The following SLC35F3 variants were observed in gnomAD, a reference collection of about 807,000 sequenced individuals.
SLC35F3 encodes the protein putative thiamine transporter SLC35F3.
SLC35F3 carries 25 observed loss-of-function variants against 49.9 expected under a neutral mutation model. That is an observed-to-expected ratio of 0.50 (90% CI 0.37 to 0.70). SLC35F3 has a LOEUF of 0.70. Ranked by LOEUF, SLC35F3 falls within the 30% of genes least tolerant of loss-of-function variation. The probability of loss-of-function intolerance (pLI) is 0.00; values close to 1 mark genes in which losing one functional copy is unlikely to be tolerated. For missense variants in SLC35F3, 525 were observed against 639.8 expected (o/e 0.82, Z 1.94); for synonymous variants, 275 against 265.4 (o/e 1.04, Z -0.35).
chr1:234,065,258 T>C (rs1004102576), intron 2 of SLC35F3, among the ~76,000 whole-genome samples: 2 of 152,146 alleles, frequency 1.3e-5, no homozygotes, highest in Admixed American at 6.5e-5. Flanking sequence ...GGGATTCTCC[T>C]GCCTCAGCCT....
At chr1:234,000,172 C>T (rs899243439) in intron 2 of SLC35F3, among the ~76,000 whole-genome samples, 11 of 152,084 alleles carry the variant, frequency 7.2e-5, no homozygotes, top group Admixed American at 5.9e-4. Context: ...AATTAATATA[C>T]GCAAAGAGTA....
chr1:234,177,167 G>T (rs1159850464), intron 2 of SLC35F3, among the ~76,000 whole-genome samples: 1 of 152,164 alleles, frequency 6.6e-6, no homozygotes, highest in Admixed American at 6.5e-5. Context: ...CCCTGCACAA[G>T]TGCTCTCTCT....
At chr1:233,971,270 C>G (rs1219195440) in intron 2 of SLC35F3, among the ~76,000 whole-genome samples, 1 of 152,328 alleles carries the variant, frequency 6.6e-6, no homozygotes, top group East Asian at 1.9e-4. Context: ...CAGTTCCCTC[C>G]GACTAAAACT....
intron 2 of SLC35F3, among the ~76,000 whole-genome samples, chr1:233,923,079 C>T (rs549553323): frequency 7.2e-4 from 109 of 152,172 alleles, no homozygotes; most frequent in Non-Finnish European, 1.3e-3. Flanking sequence ...AGTCAGGTAG[C>T]GTGATGCCTC....
intron 2 of SLC35F3, among the ~76,000 whole-genome samples, chr1:233,961,570 C>T (rs900428466): frequency 1.3e-5 from 2 of 151,710 alleles, no homozygotes; most frequent in African/African-American, 4.8e-5. Flanking sequence ...GATTTTCCCA[C>T]CTCAGCCACC....
chr1:234,075,751 A>G (rs548347349), intron 2 of SLC35F3, among the ~76,000 whole-genome samples: 2 of 150,858 alleles, frequency 1.3e-5, no homozygotes, highest in African/African-American at 5.0e-5. Context: ...TGAGTCTTGC[A>G]AGAAGCTGCC....
chr1:234,070,028 A>G (rs1416571613), intron 2 of SLC35F3, among the ~76,000 whole-genome samples: 1 of 152,128 alleles, frequency 6.6e-6, no homozygotes, highest in African/African-American at 2.4e-5. Context: ...TCTTCTTCCA[A>G]CCACCTCCTC....
At chr1:234,062,414 C>A (rs1383010863) in intron 2 of SLC35F3, among the ~76,000 whole-genome samples, 2 of 152,190 alleles carry the variant, frequency 1.3e-5, no homozygotes, top group African/African-American at 4.8e-5. Context: ...ACAGACTATT[C>A]AATCTATTGT....
chr1:234,140,064 T>C (rs147769928), intron 2 of SLC35F3, among the ~76,000 whole-genome samples: 2,692 of 151,958 alleles, frequency 0.018, 51 homozygotes, highest in Non-Finnish European at 0.024. Flanking sequence ...CAGATCTGGC[T>C]ACTAAGTGAC....
intron 3 of SLC35F3, among the ~76,000 whole-genome samples, chr1:234,273,265 C>A (rs574740810): frequency 6.6e-6 from 1 of 152,224 alleles, no homozygotes; most frequent in Non-Finnish European, 1.5e-5. Flanking sequence ...ATCCCTTATA[C>A]AGGCTGTTGC....
At chr1:234,285,335 C>T (rs80178182) in intron 3 of SLC35F3, 21,187 of 483,158 alleles carry the variant, frequency 0.044, 615 homozygotes, top group Middle Eastern at 0.085. Flanking sequence ...GAAAATACAT[C>T]CGCAGGGTTC....
intron 2 of SLC35F3, among the ~76,000 whole-genome samples, chr1:234,090,089 T>C (rs1329317444): frequency 6.6e-6 from 1 of 152,274 alleles, no homozygotes. Context: ...CTCTTTGGTG[T>C]GACAATTTGG....
At chr1:234,077,827 T>C (rs1487568441) in intron 2 of SLC35F3, among the ~76,000 whole-genome samples, 1 of 152,028 alleles carries the variant, frequency 6.6e-6, no homozygotes, top group Non-Finnish European at 1.5e-5. Context: ...CCCTCCAGGG[T>C]TTCTCAATTC....
At chr1:233,984,773 G>A (rs1663240390) in intron 2 of SLC35F3, among the ~76,000 whole-genome samples, 3 of 152,208 alleles carry the variant, frequency 2.0e-5, no homozygotes, top group Admixed American at 2.0e-4. Context: ...CTACAGGCCA[G>A]TGGATGTCTT....
chr1:234,218,746 G>T (rs1667158990), intron 2 of SLC35F3, among the ~76,000 whole-genome samples: 1 of 152,092 alleles, frequency 6.6e-6, no homozygotes, highest in Non-Finnish European at 1.5e-5. Flanking sequence ...TCAGCTCATG[G>T]CACTTTGTAG....
chr1:234,097,473 G>A (rs976464888), intron 2 of SLC35F3, among the ~76,000 whole-genome samples: 2 of 152,148 alleles, frequency 1.3e-5, no homozygotes, highest in Admixed American at 6.5e-5. Flanking sequence ...GGAGCACCTG[G>A]GCTCAGGGAA....
intron 2 of SLC35F3, among the ~76,000 whole-genome samples, chr1:233,963,828 C>T (rs1215296009): frequency 2.0e-5 from 3 of 152,190 alleles, no homozygotes; most frequent in Admixed American, 1.3e-4. Flanking sequence ...CACTATCACA[C>T]AATTATTGCC....
chr1:234,164,187 TTC>T (rs1197353355), intron 2 of SLC35F3, among the ~76,000 whole-genome samples: 1 of 151,258 alleles, frequency 6.6e-6, no homozygotes, highest in Non-Finnish European at 1.5e-5. Flanking sequence ...TCCCTTGCTT[TTC>T]TCTTTCTCCT....
At chr1:234,182,634 A>C (rs1666580221) in intron 2 of SLC35F3, among the ~76,000 whole-genome samples, 1 of 152,206 alleles carries the variant, frequency 6.6e-6, no homozygotes. Context: ...ATTTTTCTGG[A>C]CAATGCCAAA....
Sources: gnomAD v4.1 joint callset for allele counts (sites outside exome capture counted in the v4.1 genomes callset) on GRCh38, gnomAD v4.1.1 for gene constraint, MANE v1.5 for transcripts, NCBI Gene and HGNC (gene_info 2026-07-23, HGNC 2026-07-21) for gene names.